XKR4: variants seen among roughly 807,000 people sequenced by gnomAD.
XKR4 encodes XK-related protein 4.
A neutral mutation model predicts 53.9 loss-of-function variants in XKR4; 12 were observed. The observed-to-expected ratio is 0.22, with a 90% CI of 0.14 to 0.36. The LOEUF (loss-of-function observed/expected upper bound fraction) is 0.36. Ranked by LOEUF, XKR4 falls within the 10% of genes least tolerant of loss-of-function variation. The pLI is 1.00. For missense variants in XKR4, 799 were observed against 859.5 expected (o/e 0.93, Z 0.88); for synonymous variants, 354 against 362.4 (o/e 0.98, Z 0.26).
At chr8:55,445,342 C>T (rs1399777203) in intron 2 of XKR4, among the ~76,000 whole-genome samples, 2 of 152,196 alleles carry the variant, frequency 1.3e-5, no homozygotes, top group African/African-American at 2.4e-5. Flanking sequence ...CAGGTGTGAG[C>T]CACCATGCCC....
intron 2 of XKR4, among the ~76,000 whole-genome samples, chr8:55,398,598 G>A (rs993271577): frequency 3.3e-5 from 5 of 152,130 alleles, no homozygotes; most frequent in Non-Finnish European, 7.3e-5. Context: ...TGGCTCTGCG[G>A]CTTTAGTTCA....
chr8:55,403,976 C>T (rs556181738), intron 2 of XKR4, among the ~76,000 whole-genome samples: 4 of 152,302 alleles, frequency 2.6e-5, no homozygotes, highest in African/African-American at 7.2e-5. Flanking sequence ...CTGCATCACT[C>T]GCTCTTCTCA....
At chr8:55,117,710 T>A (rs1452975181) in intron 1 of XKR4, among the ~76,000 whole-genome samples, 1 of 152,214 alleles carries the variant, frequency 6.6e-6, no homozygotes, top group Non-Finnish European at 1.5e-5. Flanking sequence ...TCATGACTTT[T>A]GTTTCCGAAT....
chr8:55,293,392 G>A (rs1370387675), intron 1 of XKR4, among the ~76,000 whole-genome samples: 5 of 151,968 alleles, frequency 3.3e-5, no homozygotes, highest in Non-Finnish European at 7.4e-5. Flanking sequence ...ATAAGAAGAA[G>A]GAACAAGTGC....
intron 1 of XKR4, among the ~76,000 whole-genome samples, chr8:55,141,052 C>T (rs1816695483): frequency 1.3e-5 from 2 of 152,100 alleles, no homozygotes; most frequent in Admixed American, 6.5e-5. Context: ...AAAACATCAC[C>T]ACAATCAATT....
intron 1 of XKR4, among the ~76,000 whole-genome samples, chr8:55,307,311 A>G (rs1819317340): frequency 6.6e-6 from 1 of 152,092 alleles, no homozygotes; most frequent in Admixed American, 6.5e-5. Flanking sequence ...CAAACAACCT[A>G]AGTACAAATT....
At chr8:55,461,179 A>T (rs1310933445) in intron 2 of XKR4, among the ~76,000 whole-genome samples, 1 of 152,212 alleles carries the variant, frequency 6.6e-6, no homozygotes, top group African/African-American at 2.4e-5. Flanking sequence ...CTGCCTCCTC[A>T]AGTGGGTCCC....
intron 1 of XKR4, among the ~76,000 whole-genome samples, chr8:55,190,741 C>T (rs6473974): frequency 0.83 from 126,170 of 152,130 alleles, 52,897 homozygotes; most frequent in African/African-American, 0.95. Context: ...AAGTATGTTG[C>T]GTTCTGGACC....
chr8:55,273,182 GTA>G (rs1818717940), intron 1 of XKR4, among the ~76,000 whole-genome samples: 1 of 140,500 alleles, frequency 7.1e-6, no homozygotes, highest in Non-Finnish European at 1.6e-5. Flanking sequence ...GTGTGTGTGT[GTA>G]TGTTGCTGCA....
chr8:55,256,404 G>A (rs1818439268), intron 1 of XKR4, among the ~76,000 whole-genome samples: 3 of 152,248 alleles, frequency 2.0e-5, no homozygotes, highest in African/African-American at 4.8e-5. Flanking sequence ...TGGGTTCTGG[G>A]AAACTATTCA....
At chr8:55,261,706 CAG>C (rs370623165) in intron 1 of XKR4, among the ~76,000 whole-genome samples, 8 of 152,140 alleles carry the variant, frequency 5.3e-5, no homozygotes, top group African/African-American at 1.7e-4. Context: ...GATTTGGAAA[CAG>C]ACAGCTGAGC....
At chr8:55,469,477 C>G (rs1805839006) in intron 2 of XKR4, among the ~76,000 whole-genome samples, 1 of 152,016 alleles carries the variant, frequency 6.6e-6, no homozygotes, top group Non-Finnish European at 1.5e-5. Context: ...TTTCTATTTT[C>G]AGTGTTTAAA....
chr8:55,319,127 A>C (rs1036494325), intron 1 of XKR4, among the ~76,000 whole-genome samples: 1 of 152,196 alleles, frequency 6.6e-6, no homozygotes, highest in African/African-American at 2.4e-5. Flanking sequence ...CCTGTGAAAA[A>C]GAAAAGAGAG....
intron 1 of XKR4, among the ~76,000 whole-genome samples, chr8:55,293,151 A>G (rs180754946): frequency 1.5e-4 from 23 of 152,288 alleles, no homozygotes; most frequent in African/African-American, 5.3e-4. Flanking sequence ...CCTGCTCAAC[A>G]TGGTGAAACA....
At chr8:55,219,356 T>C (rs1312002855) in intron 1 of XKR4, among the ~76,000 whole-genome samples, 1 of 152,176 alleles carries the variant, frequency 6.6e-6, no homozygotes, top group Non-Finnish European at 1.5e-5. Context: ...AATTCATTCT[T>C]GGCAAAGGCT....
At chr8:55,283,122 T>A (rs1054353480) in intron 1 of XKR4, among the ~76,000 whole-genome samples, 2 of 152,178 alleles carry the variant, frequency 1.3e-5, no homozygotes, top group African/African-American at 4.8e-5. Flanking sequence ...ACTATCTAGT[T>A]TTGCATAAGT....
chr8:55,319,339 G>C (rs1036544075), intron 1 of XKR4, among the ~76,000 whole-genome samples: 3 of 152,232 alleles, frequency 2.0e-5, no homozygotes, highest in Non-Finnish European at 4.4e-5. Context: ...CTACAGAAAT[G>C]CAAAAGCATT....
rs549065445 is a variant in XKR4 at position 55,244,224 on chromosome 8, C to T, written c.807-113454C>T. Among the ~76,000 whole-genome samples the T allele has an allele frequency of 6.6e-5, 10 of 152,298 alleles. No homozygotes were observed. In the South Asian group the frequency reaches 2.1e-3, roughly 32 times the overall value. The stretch of plus-strand genomic sequence containing the variant: ...TCTATCCTCTCCCTCCTCTCACCCT[C>T]CAGCCTCAAGTAGACCCCATGTCTC... On this transcript the variant is annotated intron_variant, in intron 1 of 2. Transcript: ENST00000327381.
At chr8:55,508,909 T>C (rs2129404381) in intron 2 of XKR4, among the ~76,000 whole-genome samples, 1 of 152,330 alleles carries the variant, frequency 6.6e-6, no homozygotes, top group South Asian at 2.1e-4. Context: ...TGAGTCTTAG[T>C]ATAAAGCAAC....
Sources: allele counts gnomAD v4.1 joint callset (sites outside exome capture counted in the v4.1 genomes callset), GRCh38; gene constraint gnomAD v4.1.1; transcripts MANE v1.5; gene names NCBI Gene and HGNC (gene_info 2026-07-23, HGNC 2026-07-21).